ZNF658: variants seen among roughly 807,000 people sequenced by gnomAD.
ZNF658 encodes the protein zinc finger protein 658.
In ZNF658, 46 loss-of-function variants were observed where a neutral mutation model predicts 78.0. The ratio of observed to expected loss-of-function variants is 0.59; its 90% CI spans 0.47 to 0.75. ZNF658 has a LOEUF of 0.75. ZNF658 is among the 30% of genes least tolerant of loss of function. The probability of loss-of-function intolerance (pLI) is 0.00; values close to 1 mark genes in which losing one functional copy is unlikely to be tolerated. For synonymous variants in ZNF658, 279 were observed against 408.4 expected, an observed-to-expected ratio of 0.68 and a Z score of 3.82; for missense variants, 785 against 1,189.3, an observed-to-expected ratio of 0.66 and a Z score of 5.00.
In ZNF658 at chr9:66,918,889, A is replaced by G. The variant is rs1822421983; in HGVS notation, c.1323A>G (p.Glu441=). Reference sequence around the variant, plus strand: ...CTTATGTGGGATTCAAACTTTATGAATGTAATGAATGTGGGAAAGCTTTCT... The same window carrying G: ...CTTATGTGGGATTCAAACTTTATGAGTGTAATGAATGTGGGAAAGCTTTCT... ...PGTYVGFKLY[E]CNECGKAFCQ... The change falls in exon 5 of 5, where the codon GAA becomes GAG. Residue 441 remains glutamate (E), a synonymous_variant. Transcript: ENST00000621410. The G allele has an allele frequency of 6.3e-7, 1 of 1,582,484 alleles. No individual in the cohort carries two copies. Among genetic ancestry groups the G allele is most frequent in the African/African-American group, 1.4e-5 (1 of 70,426 alleles).
rs545218240 is a variant in ZNF658 at position 66,910,751 on chromosome 9, G to A, written c.238+2017G>A. Among the ~76,000 whole-genome samples, 31 of 148,580 alleles carry A rather than the reference G, an allele frequency of 2.1e-4. No homozygotes were observed. In the East Asian group the frequency reaches 5.6e-3, roughly 27 times the overall value. ...GCAGAGCTTGCAGTGAGCCGAGATA[G>A]CACCACTGCACTCCGGCCTGGGCAA... On this transcript the variant is annotated intron_variant, in intron 4 of 4. Transcript: ENST00000621410.
chr9:66,915,398 A>T (rs189945883), intron 4 of ZNF658, among the ~76,000 whole-genome samples: 1,920 of 69,216 alleles, frequency 0.028, 45 homozygotes, highest in African/African-American at 0.091. Context: ...TTTTATAGTT[A>T]AAAAAAAAAA....
Position 66,920,477 on chromosome 9 carries a change from T to G in ZNF658, c.2911T>G (p.Cys971Gly). The change falls in exon 5 of 5, where the codon TGT (cysteine) becomes GGT (glycine). Residue 971 changes from cysteine to glycine, a missense_variant. Physicochemically the swap from Cys to Gly is radical, Grantham distance 159. This residue lies in a region of ZNF658 where 85 missense variants were observed against 108.6 expected (regional missense o/e 0.78). Coordinates refer to ENST00000621410, the MANE Select transcript of ZNF658 (RefSeq NM_033160.7). ...TGEKSYECND[C>G]GKTFSQKSHL... ...GGAGAAATCCTATGAATGTAATGAT[T>G]GTGGGAAAACGTTCTCCCAGAAATC... 4 of 1,599,034 alleles carry G rather than the reference T, an allele frequency of 2.5e-6. No homozygotes were observed. Among genetic ancestry groups the G allele is most frequent in the Non-Finnish European group, 3.4e-6 (4 of 1,176,214 alleles).
chr9:66,908,803 G>GTT (rs201519046), intron 4 of ZNF658, 69 bp downstream of exon 4: 1 of 1,236,436 alleles, frequency 8.1e-7, no homozygotes, highest in African/African-American at 1.5e-5. Context: ...ACCTTTGAAA[G>GTT]TTTTTTTGGA....
chr9:66,917,999 A>T lies in ZNF658; in HGVS notation c.433A>T (p.Asn145Tyr). Reference protein sequence around the residue: ...ISCKCDSHRMNLPVASQLIIS... With the variant: ...ISCKCDSHRMYLPVASQLIIS... ...CTGTAAATGTGACTCACACAGAATG[A>T]ATTTGCCAGTTGCTTCTCAATTAAT... The change falls in exon 5 of 5, where the codon AAT becomes TAT. Residue 145 changes from asparagine (N) to tyrosine (Y), a missense_variant. Asn to Tyr is a moderately radical substitution (Grantham distance 143, BLOSUM62 -2). This residue lies in a region of ZNF658 where 54 missense variants were observed against 48.9 expected (regional missense o/e 1.10). Coordinates refer to ENST00000621410, the MANE Select transcript of ZNF658 (RefSeq NM_033160.7). The T allele has an allele frequency of 1.9e-6, 3 of 1,593,372 alleles. No homozygotes were observed. Among genetic ancestry groups the T allele is most frequent in the Non-Finnish European group, 2.6e-6 (3 of 1,174,658 alleles).
chr9:66,906,217 C>T (rs1410705262), intron 2 of ZNF658, among the ~76,000 whole-genome samples: 1 of 149,512 alleles, frequency 6.7e-6, no homozygotes, highest in Non-Finnish European at 1.5e-5. Flanking sequence ...AATTTATAAC[C>T]CCATGTTAAC....
rs1165611922 is a variant in ZNF658 at position 66,905,068 on chromosome 9, C to CTTTTTTTTTTTTTT, written c.15+1504_15+1517dup. Among the ~76,000 whole-genome samples, 102 of 31,758 alleles carry CTTTTTTTTTTTTTT rather than the reference C, an allele frequency of 3.2e-3. 2 individuals are homozygous for CTTTTTTTTTTTTTT. The highest frequency in any genetic ancestry group is 5.6e-3 in the East Asian group (7 of 1,258). The allele number at this position is 31,758 out of a possible 152,430, so 20.8% of individuals were successfully genotyped here. On this transcript the variant is annotated intron_variant, in intron 2 of 4. Transcript: ENST00000621410. ...CTTTTTTCTTTTCTCTTTTTCTTTTCTTTTTTTTTTTTTTTTTTTTTTTTT... is the reference window on the plus strand; with the variant it reads ...CTTTTTTCTTTTCTCTTTTTCTTTTCTTTTTTTTTTTTTTTTTTTTTTTTTTTTTTTTTTTTTTT...
At position 66,919,005 on chromosome 9, in the gene ZNF658, C is replaced by A. The variant is rs1291201668; in HGVS notation, c.1439C>A (p.Pro480His). ...NNGCGRSYKS[P>H]LIGHQKTDAE... ...GGCTGTGGGAGATCTTACAAGTCAC[C>A]CCTCATAGGACACCAGAAAACAGAT... The change falls in exon 5 of 5, where the codon CCC becomes CAC. Residue 480 changes from proline to histidine, a missense_variant. By Grantham distance (77) the Pro-to-His change is moderately conservative. Around this residue, in one of 12 missense-constraint regions of ZNF658, gnomAD observed 393 missense variants for 400.2 expected, o/e 0.98. Coordinates refer to ENST00000621410, the MANE Select transcript of ZNF658 (RefSeq NM_033160.7). 1.9e-6 allele frequency: 2 copies of A among 1,056,804 alleles called. No individual in the cohort carries two copies. The highest frequency in any genetic ancestry group is 2.7e-6 in the Non-Finnish European group (2 of 735,276). The allele number at this position is 1,056,804 out of a possible 1,614,324, so 65.5% of individuals were successfully genotyped here. A position where few individuals can be genotyped will look rare whatever the true frequency, so the allele number is the denominator to read the frequency against.
chr9:66,927,777 T>A, intron 6 of ZNF658, among the ~76,000 whole-genome samples: 1 of 148,216 alleles, frequency 6.7e-6, no homozygotes, highest in Admixed American at 6.8e-5. Flanking sequence ...ATAATTTGCT[T>A]ATCTTAGATA....
chr9:66,929,000 T>C (rs62548989), intron 6 of ZNF658, among the ~76,000 whole-genome samples: 33,559 of 150,012 alleles, frequency 0.22, 4,278 homozygotes, highest in Middle Eastern at 0.43. Context: ...AAATTGGCAA[T>C]ACATGTTAAA....
intron 4 of ZNF658, among the ~76,000 whole-genome samples, chr9:66,914,862 G>A (rs893627947): frequency 6.6e-6 from 1 of 152,088 alleles, no homozygotes; most frequent in Non-Finnish European, 1.5e-5. Context: ...TGGTCTGAAA[G>A]CTTCTTTTCT....
Position 66,920,629 on chromosome 9 carries a change from C to T in ZNF658, c.3063C>T (p.Pro1021=). 1 of 1,409,690 alleles carries T rather than the reference C, an allele frequency of 7.1e-7. No homozygotes were observed. The highest frequency in any genetic ancestry group is 9.8e-7 in the Non-Finnish European group (1 of 1,017,084). The allele number at this position is 1,409,690 out of a possible 1,614,324, so 87.3% of individuals were successfully genotyped here. Residue 1021 remains proline (P), a synonymous_variant, in exon 5 of 5, where the codon CCC becomes CCT. Transcript: ENST00000621410. Reference sequence around the variant, plus strand: ...AGAGAATTCACACAGGGGAGAAACCCTATGAATGTGATGAATGTGGGAAAA... The same window carrying T: ...AGAGAATTCACACAGGGGAGAAACCTTATGAATGTGATGAATGTGGGAAAA... ...VHQRIHTGEK[P]YECDECGKTF...
Position 66,909,678 on chromosome 9 carries a change from A to G in ZNF658, c.238+944A>G, listed in dbSNP as rs1255147862. Among the ~76,000 whole-genome samples the G allele has an allele frequency of 1.3e-4, 20 of 152,156 alleles. 1 individual carries two copies. The highest frequency in any genetic ancestry group is 2.5e-4 in the Non-Finnish European group (17 of 68,040). ...TAAATGCAGCATTTTTCCGTTCCTA[A>G]CAACAGCATATGGGGGTTCTGATTT... On this transcript the variant is annotated intron_variant, in intron 4 of 4. Coordinates refer to ENST00000621410, the MANE Select transcript of ZNF658 (RefSeq NM_033160.7).
Position 66,929,199 on chromosome 9 carries a change from T to G in ZNF658, c.*55-2826T>G, listed in dbSNP as rs536539913. On this transcript the variant is annotated intron_variant and NMD_transcript_variant, in intron 6 of 6. Transcript: ENST00000622180. Reference sequence around the variant, plus strand: ...GCACAAATTGCAACTGCATTGCCCTTCCCTTGCTTTGCCTTTTGATCTCAG... The same window carrying G: ...GCACAAATTGCAACTGCATTGCCCTGCCCTTGCTTTGCCTTTTGATCTCAG... Among the ~76,000 whole-genome samples, 25 of 144,324 alleles carry G rather than the reference T, an allele frequency of 1.7e-4. No individual in the cohort carries two copies. In the South Asian group the frequency reaches 5.6e-3, roughly 32 times the overall value. 94.7% of individuals were successfully genotyped at this position (144,324 alleles called of 152,430 possible). A position where few individuals can be genotyped will look rare whatever the true frequency, so the allele number is the denominator to read the frequency against.
In ZNF658 at chr9:66,903,573, T is replaced by A; in HGVS notation, c.12T>A (p.Ser4=). Residue 4 remains serine, a synonymous_variant, in exon 2 of 5, where the codon TCT becomes TCA. Coordinates refer to ENST00000621410, the MANE Select transcript of ZNF658 (RefSeq NM_033160.7). MNM[S]QASVSFQDVT... is the part of the protein sequence containing the mutation. The stretch of plus-strand genomic sequence containing the variant: ...AGGAGCAGCAGAAAATGAACATGTC[T>A]CAGGTGAGTTAGGTTTTTAAAAACC... The A allele has an allele frequency of 6.2e-7, 1 of 1,612,020 alleles. No individual in the cohort carries two copies. The highest frequency in any genetic ancestry group is 8.5e-7 in the Non-Finnish European group (1 of 1,179,868).
chr9:66,909,573 G>C (rs919588604), intron 4 of ZNF658, among the ~76,000 whole-genome samples: 1 of 151,512 alleles, frequency 6.6e-6, no homozygotes, highest in Non-Finnish European at 1.5e-5. Context: ...TTTCTCTTGT[G>C]TATATTCCTA....
chr9:66,923,041 A>C (rs1439805087), downstream of ZNF658, among the ~76,000 whole-genome samples: 1 of 151,532 alleles, frequency 6.6e-6, no homozygotes, highest in Non-Finnish European at 1.5e-5. Context: ...CACTGTCACA[A>C]GGTGAAGTCC....
rs1231236521 is a variant in ZNF658, at chr9:66,912,122, G to A, written c.238+3388G>A. On this transcript the variant is annotated intron_variant, in intron 4 of 4. Transcript: ENST00000621410. Reference sequence around the variant, plus strand: ...CACTCCAGCCTGGGCGACAGAGCAAGACCCCATCTCAAAAAAAAAAAAAAA... The same window carrying A: ...CACTCCAGCCTGGGCGACAGAGCAAAACCCCATCTCAAAAAAAAAAAAAAA... 2.3e-4 allele frequency among the ~76,000 whole-genome samples: 8 copies of A among 35,278 alleles called. 1 individual carries two copies. The highest frequency in any genetic ancestry group is 1.5e-3 in the African/African-American group (8 of 5,168). The allele number at this position is 35,278 out of a possible 152,430, so 23.1% of individuals were successfully genotyped here.
chr9:66,919,618 A>G lies in ZNF658; in HGVS notation c.2052A>G (p.Lys684=), dbSNP rs1157437638. ...RAHQRIHTGR[K]PYECSDCEKT... ...ATCAGAGAATTCACACAGGTAGAAA[A>G]CCCTATGAATGTAGTGACTGTGAGA... Residue 684 remains lysine (K), a synonymous_variant, in exon 5 of 5, where the codon AAA becomes AAG. Coordinates refer to ENST00000621410, the MANE Select transcript of ZNF658 (RefSeq NM_033160.7). 1 of 1,602,700 alleles carries G rather than the reference A, an allele frequency of 6.2e-7. No individual in the cohort carries two copies. The highest frequency in any genetic ancestry group is 1.4e-5 in the African/African-American group (1 of 71,520).
Sources: allele counts gnomAD v4.1 joint callset (sites outside exome capture counted in the v4.1 genomes callset), GRCh38; gene constraint gnomAD v4.1.1; regional missense constraint gnomAD v4.1.1; transcripts MANE v1.5; gene names NCBI Gene and HGNC (gene_info 2026-07-23, HGNC 2026-07-21).